The following RNF14 variants were observed in gnomAD, a reference collection of about 807,000 sequenced individuals.
RNF14 encodes the protein ring finger protein 14.
In RNF14, 26 loss-of-function variants were observed where a neutral mutation model predicts 52.6. That is an observed-to-expected ratio of 0.49 (90% CI 0.36 to 0.69). The LOEUF (loss-of-function observed/expected upper bound fraction) is 0.69, where lower values mean the gene tolerates loss of function less well. RNF14 is among the 30% of genes least tolerant of loss of function. RNF14 has a pLI of 0.00. For missense variants in RNF14, 404 were observed against 560.4 expected (o/e 0.72, Z 2.82); for synonymous variants, 194 against 202.0 (o/e 0.96, Z 0.34).
intron 5 of RNF14, 34 bp from the exon 6 acceptor site, chr5:141,980,089 C>T: frequency 6.4e-7 from 1 of 1,568,424 alleles, no homozygotes; most frequent in South Asian, 1.1e-5. Flanking sequence ...GTTGTGGAAT[C>T]ATCAAACCTA....
upstream of RNF14, chr5:141,957,578 G>A (rs1404130731): frequency 1.2e-6 from 2 of 1,614,108 alleles, no homozygotes; most frequent in African/African-American, 2.7e-5. This position sits in a 1 kb window ranked among gnomAD's most constrained non-coding sequence, Gnocchi z 4.3. Context: ...TCTCGATCCA[G>A]CCGCCTGCCT....
chr5:141,957,070 G>T, upstream of RNF14: 2 of 1,614,136 alleles, frequency 1.2e-6, no homozygotes, highest in Non-Finnish European at 1.7e-6. The surrounding 1 kb of genome is among the most constrained non-coding windows in gnomAD (Gnocchi z 4.3). Flanking sequence ...TATGAGAAGC[G>T]TACCAGGTGC....
At chr5:141,965,056 A>C (rs924068113), upstream of RNF14, among the ~76,000 whole-genome samples, 1 of 152,178 alleles carries the variant, frequency 6.6e-6, no homozygotes, top group Non-Finnish European at 1.5e-5. Context: ...ACACTTCTGT[A>C]CTGGGGTAGG....
chr5:141,971,239 T>C (rs997716802), intron 2 of RNF14, among the ~76,000 whole-genome samples: 3 of 152,230 alleles, frequency 2.0e-5, no homozygotes, highest in Admixed American at 1.3e-4. Context: ...TTAAAAAACA[T>C]TGATTCATAC....
At chr5:141,953,280 C>T in the RNF14 span, 1 of 152,122 alleles carries the variant, frequency 6.6e-6, no homozygotes, top group East Asian at 1.9e-4. Flanking sequence ...TCAGTTTCCT[C>T]AACAGTAAAA....
chr5:141,949,489 G>T, the RNF14 span: 6 of 1,614,152 alleles, frequency 3.7e-6, no homozygotes, highest in Non-Finnish European at 5.1e-6. Flanking sequence ...TTCACAGAGA[G>T]GTCCTCTTCA....
In RNF14 at chr5:141,980,266, G is replaced by A. The variant is rs1451483269; in HGVS notation, c.978G>A (p.Met326Ile). ...TGATGCAGGAACCTGGCTGCACCAT[G>A]GGTATCTGCTCCAGCTGCAATTTTG... ...LPVMQEPGCTMGICSSCNFAF... is the reference protein window; with the variant it reads ...LPVMQEPGCTIGICSSCNFAF... The change falls in exon 6 of 9, where the codon ATG becomes ATA. Residue 326 changes from methionine to isoleucine, a missense_variant. Transcript: ENST00000394520. The A allele has an allele frequency of 6.2e-7, 1 of 1,614,112 alleles. No homozygotes were observed. Among genetic ancestry groups the A allele is most frequent in the African/African-American group, 1.3e-5 (1 of 74,946 alleles).
At position 141,987,842 on chromosome 5, in the gene RNF14, C is replaced by T; in HGVS notation, c.*52C>T. 1 of 1,524,330 alleles carries T rather than the reference C, an allele frequency of 6.6e-7. No individual in the cohort carries two copies. Among genetic ancestry groups the T allele is most frequent in the Non-Finnish European group, 9.1e-7 (1 of 1,100,032 alleles). 94.4% of individuals were successfully genotyped at this position (1,524,330 alleles called of 1,614,324 possible). A position where few individuals can be genotyped will look rare whatever the true frequency, so the allele number is the denominator to read the frequency against. Reference sequence around the variant, plus strand: ...GGATTGTTTTTCCCTAATCTTCCGTCAAGTACACAAAGTAACTTTGCGGGA... The same window carrying T: ...GGATTGTTTTTCCCTAATCTTCCGTTAAGTACACAAAGTAACTTTGCGGGA... On this transcript the variant is annotated 3_prime_UTR_variant, in exon 9 of 9. Coordinates refer to ENST00000394520, the MANE Select transcript of RNF14 (RefSeq NM_004290.5).
upstream of RNF14, chr5:141,955,493 C>T (rs767494852): frequency 1.9e-6 from 3 of 1,614,044 alleles, no homozygotes; most frequent in East Asian, 4.5e-5. This position sits in a 1 kb window ranked among gnomAD's most constrained non-coding sequence, Gnocchi z 5.5. Context: ...TCACAAGGCT[C>T]ACCTGCCTGA....
upstream of RNF14, among the ~76,000 whole-genome samples, chr5:141,964,392 G>T (rs372216586): frequency 1.3e-5 from 2 of 152,276 alleles, no homozygotes; most frequent in East Asian, 3.9e-4. Flanking sequence ...TCTGTGTGAC[G>T]ATGGCAAGTC....
At chr5:141,970,591 G>C (rs1412003281) in intron 1 of RNF14, 113 bp from the exon 2 acceptor site, 6 of 152,256 alleles carry the variant, frequency 3.9e-5, no homozygotes. Flanking sequence ...TGCACTTGTA[G>C]ATTAGGATTG....
chr5:141,955,800 G>T, upstream of RNF14: 1 of 1,613,736 alleles, frequency 6.2e-7, no homozygotes, highest in Non-Finnish European at 8.5e-7. This position sits in a 1 kb window ranked among gnomAD's most constrained non-coding sequence, Gnocchi z 5.5. Flanking sequence ...GGGTCTGTAA[G>T]GGGGGGCTTC....
At chr5:141,955,271 C>T, upstream of RNF14, 1 of 1,614,186 alleles carries the variant, frequency 6.2e-7, no homozygotes, top group South Asian at 1.1e-5. This position sits in a 1 kb window ranked among gnomAD's most constrained non-coding sequence, Gnocchi z 5.5. Context: ...TTCAGGTTCT[C>T]CCGGGAGGCA....
chr5:141,959,476 G>GT (rs557273157), intron 1 of RNF14, among the ~76,000 whole-genome samples: 39 of 152,252 alleles, frequency 2.6e-4, no homozygotes, highest in African/African-American at 8.9e-4. Context: ...CCACTTCAAG[G>GT]TTGATCCCTG....
chr5:141,951,771 C>A, the RNF14 span, among the ~76,000 whole-genome samples: 1 of 152,222 alleles, frequency 6.6e-6, no homozygotes, highest in East Asian at 1.9e-4. Context: ...CGGGCAGGTC[C>A]CCTGCTCTGT....
At chr5:141,960,944 C>T (rs1338197116) in intron 1 of RNF14, among the ~76,000 whole-genome samples, 1 of 152,104 alleles carries the variant, frequency 6.6e-6, no homozygotes, top group Non-Finnish European at 1.5e-5. Context: ...GAGGCAGGGA[C>T]CGGGGACAGC....
Position 141,980,118 on chromosome 5 carries a change from T to C in RNF14, c.835-5T>C. 2 of 1,612,480 alleles carry C rather than the reference T, an allele frequency of 1.2e-6. No individual in the cohort carries two copies. The highest frequency in any genetic ancestry group is 2.2e-5 in the South Asian group (2 of 91,042). On this transcript the variant is annotated splice_region_variant and splice_polypyrimidine_tract_variant and intron_variant, in intron 5 of 8. Transcript: ENST00000394520. ...AAACCTATGGTGTTTTGTATTTCCC[T>C]CCAGGTCAAAGAGTTAGTGGAAGCA...
chr5:141,955,588 G>A, upstream of RNF14: 2 of 1,614,140 alleles, frequency 1.2e-6, no homozygotes. This position sits in a 1 kb window ranked among gnomAD's most constrained non-coding sequence, Gnocchi z 5.5. Flanking sequence ...GGTGGACTCG[G>A]CCTCCCGACA....
At chr5:141,962,649 T>C (rs925526901), upstream of RNF14, among the ~76,000 whole-genome samples, 16 of 152,348 alleles carry the variant, frequency 1.1e-4, no homozygotes, top group African/African-American at 3.6e-4. Context: ...AGAATGAAGA[T>C]GAAAAGGACT....
Sources: gnomAD v4.1 joint callset for allele counts (sites outside exome capture counted in the v4.1 genomes callset) on GRCh38, gnomAD v4.1.1 for gene constraint, Gnocchi (gnomAD v3.1) non-coding constraint, MANE v1.5 for transcripts, NCBI Gene and HGNC (gene_info 2026-07-23, HGNC 2026-07-21) for gene names.